The following TNFAIP2 variants were observed in gnomAD, a reference collection of about 807,000 sequenced individuals.
TNFAIP2 encodes the protein tumor necrosis factor alpha-induced protein 2.
Under a neutral mutation model 63.5 loss-of-function variants are expected in TNFAIP2, and 47 were observed. The observed-to-expected ratio is 0.74, with a 90% CI of 0.59 to 0.94. The LOEUF (loss-of-function observed/expected upper bound fraction) is 0.94. Among genes scored for constraint, TNFAIP2 ranks in the 40% least tolerant of loss-of-function variants. TNFAIP2 has a pLI of 0.00. For synonymous variants in TNFAIP2, 405 were observed against 390.2 expected (o/e 1.04, Z -0.45); for missense variants, 787 against 850.2 (o/e 0.93, Z 0.92).
intron 11 of TNFAIP2, among the ~76,000 whole-genome samples, chr14:103,134,072 C>T (rs1367793593): frequency 1.3e-5 from 2 of 152,244 alleles, no homozygotes; most frequent in Non-Finnish European, 2.9e-5. Flanking sequence ...ACACTCTTAG[C>T]TTTACCTGAC....
chr14:103,135,414 C>T lies in TNFAIP2; in HGVS notation c.*54C>T, dbSNP rs924645179. On this transcript the variant is annotated 3_prime_UTR_variant, in exon 12 of 12. Transcript: ENST00000560869. The surrounding 1 kb of genome is among the most constrained non-coding windows in gnomAD (Gnocchi z 7.6). ...GTGCCCAGCAAGCCTTGGGCACACC[C>T]CGCTGGGAGCTGTTAAGAGCAGCGC... 5.9e-5 allele frequency: 92 copies of T among 1,551,000 alleles called. 1 individual carries two copies. In the African/African-American group the frequency reaches 1.2e-3, roughly 20 times the overall value.
chr14:103,129,808 C>A lies in TNFAIP2; in HGVS notation c.929C>A (p.Pro310His). The change falls in exon 4 of 12, where the codon CCC (proline) becomes CAC (histidine). Residue 310 changes from proline to histidine, a missense_variant. By Grantham distance (77) the Pro-to-His change is moderately conservative. Coordinates refer to ENST00000560869, the MANE Select transcript of TNFAIP2 (RefSeq NM_006291.4). ...QGMGLGSLLP[P>H]RQIRLLEATF... Reference sequence around the variant, plus strand: ...ATGGGGCTCGGGAGCCTCCTGCCCCCCAGGCAGATCCGACTGCTGGAGGCC... The same window carrying A: ...ATGGGGCTCGGGAGCCTCCTGCCCCACAGGCAGATCCGACTGCTGGAGGCC... 1 of 1,614,044 alleles carries A rather than the reference C, an allele frequency of 6.2e-7. No homozygotes were observed. The highest frequency in any genetic ancestry group is 8.5e-7 in the Non-Finnish European group (1 of 1,179,964).
rs1335633349 is a variant in TNFAIP2, at chr14:103,131,871, C to T, written c.1422+109C>T. ...CAGAAGCAAAGATGTGGGGAAGACACGCTCCAGGCCTGTGGACGGCACCGT... is the reference window on the plus strand; with the variant it reads ...CAGAAGCAAAGATGTGGGGAAGACATGCTCCAGGCCTGTGGACGGCACCGT... On this transcript the variant is annotated intron_variant, in intron 8 of 11. Transcript: ENST00000560869. This position sits in a 1 kb window ranked among gnomAD's most constrained non-coding sequence, Gnocchi z 4.0. 14 of 1,437,362 alleles carry T rather than the reference C, an allele frequency of 9.7e-6. No individual in the cohort carries two copies. The highest frequency in any genetic ancestry group is 2.7e-5 in the South Asian group (2 of 74,312). The allele number at this position is 1,437,362 out of a possible 1,614,324, so 89.0% of individuals were successfully genotyped here.
upstream of TNFAIP2, chr14:103,123,025 C>A: frequency 2.9e-6 from 1 of 343,258 alleles, no homozygotes. Context: ...CACGGTGACA[C>A]CGGAACACTT....
In TNFAIP2 at chr14:103,131,197, G is replaced by T. The variant is rs375088379; in HGVS notation, c.1298+47G>T. The T allele has an allele frequency of 3.8e-6, 6 of 1,598,698 alleles. No individual in the cohort carries two copies. The highest frequency in any genetic ancestry group is 5.1e-6 in the Non-Finnish European group (6 of 1,166,944). On this transcript the variant is annotated intron_variant, in intron 7 of 11. Coordinates refer to ENST00000560869, the MANE Select transcript of TNFAIP2 (RefSeq NM_006291.4). This position sits in a 1 kb window ranked among gnomAD's most constrained non-coding sequence, Gnocchi z 4.0. ...TGCGGGAGTGGGAGTCACTCAGCGG[G>T]CAGGAGAGGGGAGCTGGAAGGTGGA...
chr14:103,127,184 G>A lies in TNFAIP2; in HGVS notation c.415G>A (p.Val139Met). ...GCTGCTGCGCGACCAGGTGCTGGGC[G>A]TGCTGCGGCGGCCGCTGGAGGCGCC... ...YELLRDQVLG[V>M]LRRPLEAPPE... Residue 139 changes from valine to methionine, a missense_variant, in exon 3 of 12, where the codon GTG becomes ATG. Val to Met is a conservative substitution (Grantham distance 21). Around this residue, in one of 3 missense-constraint regions of TNFAIP2, gnomAD observed 258 missense variants for 228.9 expected, o/e 1.13. Transcript: ENST00000560869. The surrounding 1 kb of genome is among the most constrained non-coding windows in gnomAD (Gnocchi z 5.1). The A allele has an allele frequency of 8.9e-7, 1 of 1,128,514 alleles. No individual in the cohort carries two copies. Among genetic ancestry groups the A allele is most frequent in the Non-Finnish European group, 1.1e-6 (1 of 917,462 alleles). 69.9% of individuals were successfully genotyped at this position (1,128,514 alleles called of 1,614,324 possible).
chr14:103,132,932 A>G (rs1225998183), intron 9 of TNFAIP2, 60 bp downstream of exon 9: 7 of 1,602,894 alleles, frequency 4.4e-6, no homozygotes, highest in Non-Finnish European at 6.0e-6. Context: ...CCGGACACGC[A>G]CACTAGCACG....
Position 103,131,014 on chromosome 14 carries a change from T to A in TNFAIP2, c.1200-38T>A. On this transcript the variant is annotated intron_variant, in intron 6 of 11. Coordinates refer to ENST00000560869, the MANE Select transcript of TNFAIP2 (RefSeq NM_006291.4). The surrounding 1 kb of genome is among the most constrained non-coding windows in gnomAD (Gnocchi z 4.0). ...AGGCTGCTGCTGTGGTCCCAGTGTT[T>A]GGGCTGGTCCTGAATGTGCCCCTTC... The A allele has an allele frequency of 6.2e-7, 1 of 1,606,772 alleles. No individual in the cohort carries two copies.
rs745552776 is a variant in TNFAIP2 at position 103,133,515 on chromosome 14, C to A, written c.1699C>A (p.His567Asn). The change falls in exon 10 of 12, where the codon CAC becomes AAC. Residue 567 changes from histidine to asparagine, a missense_variant and splice_region_variant. His to Asn is a moderately conservative substitution (Grantham distance 68, BLOSUM62 1). This residue lies in a region of TNFAIP2 where 523 missense variants were observed against 604.1 expected (regional missense o/e 0.87). Transcript: ENST00000560869. ...CACCATCCAGCACTTCTGCACCCAG[C>A]ACGTAAGCCGCTGCCCACCTCTCCC... ...ADTIQHFCTQ[H>N]GSPATWLQPA... 1.9e-6 allele frequency: 3 copies of A among 1,613,160 alleles called. No individual in the cohort carries two copies. The highest frequency in any genetic ancestry group is 2.5e-6 in the Non-Finnish European group (3 of 1,179,452).
At position 103,135,662 on chromosome 14, in the gene TNFAIP2, T is replaced by C; in HGVS notation, c.*302T>C. On this transcript the variant is annotated 3_prime_UTR_variant, in exon 12 of 12. Coordinates refer to ENST00000560869, the MANE Select transcript of TNFAIP2 (RefSeq NM_006291.4). This position sits in a 1 kb window ranked among gnomAD's most constrained non-coding sequence, Gnocchi z 7.6. Reference sequence around the variant, plus strand: ...GCAAGGAAAGAACCAGGAGGGAGAGTGCAGCCAGGCTCAGGGATCCCCGGA... The same window carrying C: ...GCAAGGAAAGAACCAGGAGGGAGAGCGCAGCCAGGCTCAGGGATCCCCGGA... 1 of 1,270,274 alleles carries C rather than the reference T, an allele frequency of 7.9e-7. No individual in the cohort carries two copies. Among genetic ancestry groups the C allele is most frequent in the Non-Finnish European group, 1.0e-6 (1 of 995,560 alleles). 78.7% of individuals were successfully genotyped at this position (1,270,274 alleles called of 1,614,324 possible).
Position 103,130,072 on chromosome 14 carries a change from C to T in TNFAIP2, c.1046C>T (p.Pro349Leu). The change falls in exon 5 of 12, where the codon CCC (proline) becomes CTC (leucine). Residue 349 changes from proline (P) to leucine (L), a missense_variant. Around this residue, in one of 3 missense-constraint regions of TNFAIP2, gnomAD observed 523 missense variants for 604.1 expected, o/e 0.87. Coordinates refer to ENST00000560869, the MANE Select transcript of TNFAIP2 (RefSeq NM_006291.4). The part of the protein sequence containing the change: ...EARRWAEDVP[P>L]QRLDGHCHSE... ...CGGCGCTGGGCTGAGGATGTGCCTC[C>T]CCAGAGGCTGGACGGCCACTGCCAC... 1 of 1,613,452 alleles carries T rather than the reference C, an allele frequency of 6.2e-7. No homozygotes were observed. Among genetic ancestry groups the T allele is most frequent in the Non-Finnish European group, 8.5e-7 (1 of 1,179,898 alleles).
Position 103,135,291 on chromosome 14 carries a change from C to T in TNFAIP2, c.1896C>T (p.Ser632=). ...ACAGTGAGGTCAAGCGCATCCGGAG[C>T]ATCTTGGACGTCAGCATGGGGGCGC... ...LSNSEVKRIR[S]ILDVSMGAQE... is the part of the protein sequence containing the mutation. The change falls in exon 12 of 12, where the codon AGC becomes AGT. Residue 632 remains serine (S), a synonymous_variant. Coordinates refer to ENST00000560869, the MANE Select transcript of TNFAIP2 (RefSeq NM_006291.4). The surrounding 1 kb of genome is among the most constrained non-coding windows in gnomAD (Gnocchi z 7.6). The T allele has an allele frequency of 2.5e-6, 4 of 1,613,942 alleles. No homozygotes were observed. The highest frequency in any genetic ancestry group is 3.4e-6 in the Non-Finnish European group (4 of 1,179,966).
In TNFAIP2 at chr14:103,126,524, G is replaced by A. The variant is rs1012685443; in HGVS notation, c.67G>A (p.Glu23Lys). The A allele has an allele frequency of 5.0e-6, 8 of 1,587,284 alleles. No homozygotes were observed. Among genetic ancestry groups the A allele is most frequent in the Non-Finnish European group, 6.9e-6 (8 of 1,167,122 alleles). ...LEAGAAPYREEEEAAKKKKEK... is the reference protein window; with the variant it reads ...LEAGAAPYREKEEAAKKKKEK... Reference sequence around the variant, plus strand: ...GGCTGGGGCAGCCCCATATAGGGAGGAGGAAGAGGCGGCGAAGAAGAAGAA... The same window carrying A: ...GGCTGGGGCAGCCCCATATAGGGAGAAGGAAGAGGCGGCGAAGAAGAAGAA... Residue 23 changes from glutamate (E) to lysine (K), a missense_variant, in exon 2 of 12, where the codon GAG becomes AAG. Around this residue, in one of 3 missense-constraint regions of TNFAIP2, gnomAD observed 258 missense variants for 228.9 expected, o/e 1.13. Transcript: ENST00000560869.
chr14:103,127,367 G>T lies in TNFAIP2; in HGVS notation c.598G>T (p.Glu200Ter), dbSNP rs2087880116. The T allele has an allele frequency of 1.4e-6, 2 of 1,441,534 alleles. No individual in the cohort carries two copies. 89.3% of individuals were successfully genotyped at this position (1,441,534 alleles called of 1,614,324 possible). A position where few individuals can be genotyped will look rare whatever the true frequency, so the allele number is the denominator to read the frequency against. ...WRRGVAEAAE[E>*]RMGQRPAAGA... Reference sequence around the variant, plus strand: ...GCGCGGCGTGGCGGAGGCGGCCGAGGAGCGCATGGGCCAGCGGCCGGCCGC... The same window carrying T: ...GCGCGGCGTGGCGGAGGCGGCCGAGTAGCGCATGGGCCAGCGGCCGGCCGC... Residue 200 changes from glutamate to a stop codon, truncating the protein, a stop_gained, in exon 3 of 12, where the codon GAG becomes TAG. Transcript: ENST00000560869. LOFTEE classifies it high-confidence loss of function. This position sits in a 1 kb window ranked among gnomAD's most constrained non-coding sequence, Gnocchi z 5.1.
At position 103,126,544 on chromosome 14, in the gene TNFAIP2, G is replaced by A. The variant is rs751371148; in HGVS notation, c.87G>A (p.Lys29=). Residue 29 remains lysine, a synonymous_variant, in exon 2 of 12, where the codon AAG becomes AAA. Coordinates refer to ENST00000560869, the MANE Select transcript of TNFAIP2 (RefSeq NM_006291.4). ...GGGAGGAGGAAGAGGCGGCGAAGAA[G>A]AAGAAGGAGAAGAAGAAGAAGTCCA... ...PYREEEEAAK[K]KKEKKKKSKG... 3.0e-5 allele frequency: 47 copies of A among 1,564,460 alleles called. No homozygotes were observed. The Admixed American group carries it at 6.3e-4, about 21-fold the overall frequency.
In TNFAIP2 at chr14:103,127,606, C is replaced by T. The variant is rs1425894658; in HGVS notation, c.837C>T (p.Leu279=). The T allele has an allele frequency of 6.5e-7, 1 of 1,534,836 alleles. No individual in the cohort carries two copies. Among genetic ancestry groups the T allele is most frequent in the African/African-American group, 1.4e-5 (1 of 73,300 alleles). Residue 279 remains leucine, a synonymous_variant, in exon 3 of 12, where the codon CTC becomes CTT. Coordinates refer to ENST00000560869, the MANE Select transcript of TNFAIP2 (RefSeq NM_006291.4). The surrounding 1 kb of genome is among the most constrained non-coding windows in gnomAD (Gnocchi z 5.1). ...AGCGCGACACCTACATGCTGCTGCTCTGGGTGCAGAACCTCTACCCCAAGT... is the reference window on the plus strand; with the variant it reads ...AGCGCGACACCTACATGCTGCTGCTTTGGGTGCAGAACCTCTACCCCAAGT... The part of the protein sequence containing the change: ...LCERDTYMLL[L]WVQNLYPNDI...
chr14:103,126,965 G>A, intron 2 of TNFAIP2, 40 bp from the exon 3 acceptor site: 1 of 1,269,428 alleles, frequency 7.9e-7, no homozygotes, highest in Non-Finnish European at 9.9e-7. Flanking sequence ...CCGGTGGGCG[G>A]TGGGCTGGGG....
chr14:103,126,446 T>A lies in TNFAIP2; in HGVS notation c.-12T>A. 1 of 1,567,576 alleles carries A rather than the reference T, an allele frequency of 6.4e-7. No individual in the cohort carries two copies. Among genetic ancestry groups the A allele is most frequent in the East Asian group, 2.3e-5 (1 of 43,624 alleles). ...GTTGCAGTCCACATCAGAGGCAGAG[T>A]CAGAGGCCTCCATGTCGGAGGCCTC... On this transcript the variant is annotated 5_prime_UTR_variant, in exon 2 of 12. Transcript: ENST00000560869.
chr14:103,123,430 A>G (rs1037418379), upstream of TNFAIP2: 2 of 150,980 alleles, frequency 1.3e-5, no homozygotes, highest in African/African-American at 4.9e-5. Flanking sequence ...CTCTGCGACT[A>G]TTTCAGGCCT....
Sources: allele counts gnomAD v4.1 joint callset (sites outside exome capture counted in the v4.1 genomes callset), GRCh38; gene constraint gnomAD v4.1.1; regional missense constraint gnomAD v4.1.1; non-coding constraint Gnocchi (gnomAD v3.1); transcripts MANE v1.5; gene names NCBI Gene and HGNC (gene_info 2026-07-23, HGNC 2026-07-21).